The following RBFOX1 variants were observed in gnomAD, a reference collection of about 807,000 sequenced individuals.
RBFOX1 encodes RNA binding protein fox-1 homolog 1.
Under a neutral mutation model 57.7 loss-of-function variants are expected in RBFOX1, and 8 were observed. The ratio of observed to expected loss-of-function variants is 0.14; its 90% CI spans 0.08 to 0.25. The LOEUF (loss-of-function observed/expected upper bound fraction) is 0.25. Ranked by LOEUF, RBFOX1 falls within the 10% of genes least tolerant of loss-of-function variation. The pLI, the probability that RBFOX1 is intolerant of heterozygous loss-of-function variation, is 1.00. For missense variants in RBFOX1, 611 were observed against 548.5 expected (o/e 1.11, Z -1.14); for synonymous variants, 326 against 222.4 (o/e 1.47, Z -4.15).
chr16:7,096,890 C>T (rs903335410), intron 4 of RBFOX1, among the ~76,000 whole-genome samples: 1 of 141,536 alleles, frequency 7.1e-6, no homozygotes. Context: ...CGAGATCGTA[C>T]CACTGCACTC....
chr16:7,515,868 G>A (rs936082791), intron 4 of RBFOX1, among the ~76,000 whole-genome samples: 10 of 151,638 alleles, frequency 6.6e-5, no homozygotes, highest in Admixed American at 3.9e-4. Flanking sequence ...TTGTTGAGAC[G>A]GAATCTTGCT....
chr16:5,633,992 A>G (rs2048603418), intron 3 of RBFOX1, among the ~76,000 whole-genome samples: 1 of 152,220 alleles, frequency 6.6e-6, no homozygotes, highest in African/African-American at 2.4e-5. Context: ...GTGAGCTGTT[A>G]GCAAGCCCAC....
chr16:6,398,786 G>A (rs946383953), intron 2 of RBFOX1, among the ~76,000 whole-genome samples: 1 of 152,182 alleles, frequency 6.6e-6, no homozygotes, highest in African/African-American at 2.4e-5. Flanking sequence ...CAGGTGCACA[G>A]TCCAGGCTGT....
At chr16:7,368,055 T>C (rs13339580) in intron 4 of RBFOX1, among the ~76,000 whole-genome samples, 5,191 of 151,984 alleles carry the variant, frequency 0.034, 279 homozygotes, top group African/African-American at 0.11. Context: ...TCAGCTGAGG[T>C]CAGGGGTTTG....
intron 4 of RBFOX1, among the ~76,000 whole-genome samples, chr16:5,874,547 A>G (rs952671264): frequency 2.6e-5 from 4 of 152,170 alleles, no homozygotes; most frequent in African/African-American, 7.2e-5. Context: ...GATGGAGAGT[A>G]AATGTGGATA....
chr16:6,145,260 C>T (rs548817571), intron 1 of RBFOX1, among the ~76,000 whole-genome samples: 53 of 152,068 alleles, frequency 3.5e-4, no homozygotes, highest in Non-Finnish European at 6.8e-4. Flanking sequence ...TCATTTAGCT[C>T]CCACTTATAA....
intron 2 of RBFOX1, among the ~76,000 whole-genome samples, chr16:6,636,437 TG>T (rs1567979701): frequency 6.6e-6 from 1 of 152,146 alleles, no homozygotes; most frequent in East Asian, 1.9e-4. Flanking sequence ...CCCAAAGTGC[TG>T]GGATTACAGG....
chr16:6,881,633 G>C (rs35066702), intron 3 of RBFOX1, among the ~76,000 whole-genome samples: 38,415 of 151,946 alleles, frequency 0.25, 5,080 homozygotes, highest in African/African-American at 0.32. Flanking sequence ...GATTCCCTCT[G>C]CAAATATTCC....
At chr16:5,995,148 T>A (rs538202379) in intron 4 of RBFOX1, among the ~76,000 whole-genome samples, 1 of 152,256 alleles carries the variant, frequency 6.6e-6, no homozygotes, top group Non-Finnish European at 1.5e-5. Context: ...TTAAGTGTTT[T>A]AAAAACAACT....
chr16:7,362,987 A>G (rs906808497), intron 4 of RBFOX1, among the ~76,000 whole-genome samples: 1 of 152,134 alleles, frequency 6.6e-6, no homozygotes, highest in East Asian at 1.9e-4. Flanking sequence ...TAATTTTTGA[A>G]AAATAGGATG....
At chr16:7,226,551 G>T (rs1212137759) in intron 4 of RBFOX1, among the ~76,000 whole-genome samples, 1 of 152,190 alleles carries the variant, frequency 6.6e-6, no homozygotes, top group Non-Finnish European at 1.5e-5. Context: ...TTCTCTCAAT[G>T]GTGCCTCCAT....
rs138499414 is a variant in RBFOX1, at chr16:7,241,734, C to G, written c.27+189636C>G. 4.8e-3 allele frequency among the ~76,000 whole-genome samples: 731 copies of G among 152,086 alleles called. 10 individuals are homozygous for G. Among genetic ancestry groups the G allele is most frequent in the African/African-American group, 0.017 (704 of 41,510 alleles). Reference sequence around the variant, plus strand: ...ATGGACAAATATATATGCATATACACAAACACACACACATGCCCATTTTCT... The same window carrying G: ...ATGGACAAATATATATGCATATACAGAAACACACACACATGCCCATTTTCT... On this transcript the variant is annotated intron_variant, in intron 4 of 15. Coordinates refer to ENST00000550418, the MANE Select transcript of RBFOX1 (RefSeq NM_018723.4).
intron 2 of RBFOX1, among the ~76,000 whole-genome samples, chr16:6,432,247 G>A (rs1330867906): frequency 6.6e-6 from 1 of 151,990 alleles, no homozygotes; most frequent in Admixed American, 6.6e-5. Flanking sequence ...AGGATTATAC[G>A]TATGAGCCAC....
At chr16:6,147,586 G>C (rs2096768078) in intron 1 of RBFOX1, among the ~76,000 whole-genome samples, 1 of 152,114 alleles carries the variant, frequency 6.6e-6, no homozygotes, top group Admixed American at 6.5e-5. Context: ...AACTAGAGGG[G>C]ATGGGGGCAA....
At chr16:5,257,695 G>A (rs1046475322) in intron 1 of RBFOX1, among the ~76,000 whole-genome samples, 3 of 152,132 alleles carry the variant, frequency 2.0e-5, no homozygotes, top group Non-Finnish European at 2.9e-5. Flanking sequence ...ATGAAGCAAG[G>A]CGCATGGGTC....
chr16:7,174,532 G>T (rs1244432811), intron 4 of RBFOX1, among the ~76,000 whole-genome samples: 1 of 152,202 alleles, frequency 6.6e-6, no homozygotes, highest in Non-Finnish European at 1.5e-5. Context: ...TGCAATCCCA[G>T]CCCTTTGGGA....
intron 4 of RBFOX1, among the ~76,000 whole-genome samples, chr16:7,321,383 T>A (rs1470518096): frequency 6.6e-6 from 1 of 152,032 alleles, no homozygotes; most frequent in African/African-American, 2.4e-5. Flanking sequence ...TGACCTCAAG[T>A]GATACACCCT....
At chr16:6,204,778 G>A (rs934509532) in intron 1 of RBFOX1, among the ~76,000 whole-genome samples, 6 of 152,116 alleles carry the variant, frequency 3.9e-5, no homozygotes, top group African/African-American at 1.4e-4. Flanking sequence ...ATTGACAATG[G>A]ATGCCTTTTG....
chr16:7,246,067 A>C (rs2094285953), intron 4 of RBFOX1, among the ~76,000 whole-genome samples: 1 of 152,126 alleles, frequency 6.6e-6, no homozygotes, highest in African/African-American at 2.4e-5. Context: ...ACAACTGTTA[A>C]GTATGTTTTT....
Sources: allele counts gnomAD v4.1 joint callset (sites outside exome capture counted in the v4.1 genomes callset), GRCh38; gene constraint gnomAD v4.1.1; transcripts MANE v1.5; gene names NCBI Gene and HGNC (gene_info 2026-07-23, HGNC 2026-07-21).